Variants in ROBO2 observed in about 807,000 individuals in gnomAD.
The protein encoded by ROBO2 is roundabout homolog 2.
A neutral mutation model predicts 160.8 loss-of-function variants in ROBO2; 53 were observed. That is an observed-to-expected ratio of 0.33 (90% confidence interval 0.26 to 0.41). The LOEUF (loss-of-function observed/expected upper bound fraction) is 0.41, where lower values mean the gene tolerates loss of function less well. Among genes scored for constraint, ROBO2 ranks in the 10% least tolerant of loss-of-function variants. The pLI is 1.00. For missense variants in ROBO2, 1,577 were observed against 1,722.4 expected, an observed-to-expected ratio of 0.92 and a Z score of 1.49; for synonymous variants, 664 against 611.7, an observed-to-expected ratio of 1.09 and a Z score of -1.26.
chr3:77,418,583 G>A (rs1325654379), intron 2 of ROBO2, among the ~76,000 whole-genome samples: 1 of 151,838 alleles, frequency 6.6e-6, no homozygotes, highest in East Asian at 1.9e-4. Flanking sequence ...ATCTCTTTAA[G>A]AGCCACAAAG....
At chr3:77,487,005 T>C (rs1266402135) in intron 4 of ROBO2, among the ~76,000 whole-genome samples, 2 of 152,130 alleles carry the variant, frequency 1.3e-5, no homozygotes, top group South Asian at 2.1e-4. Context: ...GATGTTCAGA[T>C]TGAGAACTAA....
At chr3:76,882,246 A>G (rs965841777) in intron 2 of ROBO2, among the ~76,000 whole-genome samples, 2 of 152,040 alleles carry the variant, frequency 1.3e-5, no homozygotes, top group Admixed American at 6.6e-5. Context: ...GTTAAAATCC[A>G]TGTTTCAAGA....
Position 76,769,536 on chromosome 3 carries a change from CA to C in ROBO2, c.110-328474del, listed in dbSNP as rs2061765267. 4.0e-5 allele frequency among the ~76,000 whole-genome samples: 6 copies of C among 151,384 alleles called. No individual in the cohort carries two copies. The South Asian group carries it at 1.0e-3, about 26-fold the overall frequency. On this transcript the variant is annotated intron_variant, in intron 2 of 26. Coordinates refer to the ROBO2 transcript ENST00000487694. ...GTAAATCATAATTCAGAACAAAGGC[CA>C]AAATAACTATTGTCATAAGACAAAA... is the stretch of plus-strand genomic sequence containing the variant.
intron 2 of ROBO2, among the ~76,000 whole-genome samples, chr3:76,645,630 G>A (rs1415945967): frequency 6.6e-6 from 1 of 152,096 alleles, no homozygotes; most frequent in Non-Finnish European, 1.5e-5. Context: ...TGTTATCTGA[G>A]GATTTCAGGA....
At chr3:77,606,470 C>A (rs1343415499) in intron 20 of ROBO2, among the ~76,000 whole-genome samples, 2 of 152,132 alleles carry the variant, frequency 1.3e-5, no homozygotes, top group Non-Finnish European at 2.9e-5. Flanking sequence ...CTCTTAAAAT[C>A]TTTTATTCTA....
chr3:77,185,475 G>A (rs576690190), intron 2 of ROBO2, among the ~76,000 whole-genome samples: 2 of 152,026 alleles, frequency 1.3e-5, no homozygotes, highest in South Asian at 2.1e-4. Flanking sequence ...GTAATACCAC[G>A]TTAGTCCTGC....
chr3:77,471,016 G>C (rs1560928276), intron 2 of ROBO2, among the ~76,000 whole-genome samples: 1 of 152,136 alleles, frequency 6.6e-6, no homozygotes, highest in Non-Finnish European at 1.5e-5. Context: ...TGTTTAGTTG[G>C]TTGTGGATGG....
chr3:76,680,715 T>C (rs2092538558), intron 2 of ROBO2, among the ~76,000 whole-genome samples: 1 of 152,130 alleles, frequency 6.6e-6, no homozygotes, highest in African/African-American at 2.4e-5. Flanking sequence ...TATCACAAAT[T>C]TAAAAAAATT....
At chr3:77,361,751 T>G (rs1402312075) in intron 2 of ROBO2, among the ~76,000 whole-genome samples, 2 of 152,160 alleles carry the variant, frequency 1.3e-5, no homozygotes, top group African/African-American at 4.8e-5. Flanking sequence ...GCAGTGGGGA[T>G]TAAGTTTCCA....
intron 2 of ROBO2, among the ~76,000 whole-genome samples, chr3:76,789,751 A>T (rs1222753400): frequency 6.6e-6 from 1 of 151,682 alleles, no homozygotes; most frequent in East Asian, 1.9e-4. Flanking sequence ...TCCAATTTAG[A>T]GGACAGCAAA....
At chr3:77,173,044 T>C (rs2079790244) in intron 2 of ROBO2, among the ~76,000 whole-genome samples, 1 of 152,172 alleles carries the variant, frequency 6.6e-6, no homozygotes, top group Non-Finnish European at 1.5e-5. Context: ...AGATGTCAGG[T>C]AGATAGACAA....
chr3:77,059,234 T>C (rs2066053458), intron 1 of ROBO2, among the ~76,000 whole-genome samples: 1 of 152,048 alleles, frequency 6.6e-6, no homozygotes. Flanking sequence ...GGTCCCGAAG[T>C]GGACAGGGAT....
chr3:76,421,363 T>G (rs1193487823), intron 2 of ROBO2, among the ~76,000 whole-genome samples: 1 of 152,232 alleles, frequency 6.6e-6, no homozygotes, highest in Non-Finnish European at 1.5e-5. Context: ...AAATCGTTAA[T>G]TATTTTTAAA....
intron 2 of ROBO2, among the ~76,000 whole-genome samples, chr3:77,352,746 A>G (rs2068530932): frequency 6.6e-6 from 1 of 152,164 alleles, no homozygotes; most frequent in African/African-American, 2.4e-5. Flanking sequence ...ATCAACTGAA[A>G]AGTCACCAGT....
At chr3:77,357,767 C>G (rs74637673) in intron 2 of ROBO2, among the ~76,000 whole-genome samples, 1,665 of 152,136 alleles carry the variant, frequency 0.011, 17 homozygotes, top group Middle Eastern at 0.017. Context: ...AGAGACTGGT[C>G]CTAGCCTTAA....
At chr3:76,510,609 A>C (rs2081039062) in intron 2 of ROBO2, among the ~76,000 whole-genome samples, 1 of 152,184 alleles carries the variant, frequency 6.6e-6, no homozygotes, top group African/African-American at 2.4e-5. Flanking sequence ...CTTTAGTCCC[A>C]GCTACTTGGG....
rs775995973 is a variant in ROBO2, at chr3:76,202,478, T to C, written c.109+264876T>C. Among the ~76,000 whole-genome samples, 3 of 152,210 alleles carry C rather than the reference T, an allele frequency of 2.0e-5. No homozygotes were observed. In the South Asian group the frequency reaches 6.2e-4, roughly 31 times the overall value. The stretch of plus-strand genomic sequence containing the variant: ...TAGACAGAACTTTATTTCAGTGCTT[T>C]ATCCCACCACAAAGGATGTTGCTTG... On this transcript the variant is annotated intron_variant, in intron 2 of 26. Coordinates refer to the ROBO2 transcript ENST00000487694.
intron 2 of ROBO2, among the ~76,000 whole-genome samples, chr3:76,684,221 C>T (rs2092637003): frequency 6.6e-6 from 1 of 152,084 alleles, no homozygotes; most frequent in Non-Finnish European, 1.5e-5. Flanking sequence ...CATTTTCTCC[C>T]TTTCTTCTCT....
At chr3:77,042,312 C>T (rs563451300) in intron 1 of ROBO2, among the ~76,000 whole-genome samples, 6 of 152,118 alleles carry the variant, frequency 3.9e-5, no homozygotes, top group Non-Finnish European at 7.4e-5. Flanking sequence ...TGTACATTAC[C>T]GTAACAAAAT....
Sources: gnomAD v4.1 joint callset for allele counts (sites outside exome capture counted in the v4.1 genomes callset) on GRCh38, gnomAD v4.1.1 for gene constraint, MANE v1.5 for transcripts, NCBI Gene and HGNC (gene_info 2026-07-23, HGNC 2026-07-21) for gene names.